The following CSMD3 variants were observed in gnomAD, a reference collection of about 807,000 sequenced individuals.
The protein encoded by CSMD3 is CUB and Sushi multiple domains 3.
In CSMD3, 177 loss-of-function variants were observed where a neutral mutation model predicts 435.2. That is an observed-to-expected ratio of 0.41 (90% CI 0.36 to 0.46). CSMD3 has a LOEUF of 0.46. Ranked by LOEUF, CSMD3 falls within the 20% of genes least tolerant of loss-of-function variation. The pLI, the probability that CSMD3 is intolerant of heterozygous loss-of-function variation, is 0.34. For synonymous variants in CSMD3, 1,656 were observed against 1,520.5 expected, an observed-to-expected ratio of 1.09 and a Z score of -2.07; for missense variants, 4,265 against 4,504.6, an observed-to-expected ratio of 0.95 and a Z score of 1.52.
At chr8:112,482,307 A>G (rs1334170004) in intron 31 of CSMD3, among the ~76,000 whole-genome samples, 2 of 152,206 alleles carry the variant, frequency 1.3e-5, no homozygotes, top group East Asian at 1.9e-4. Context: ...ACTACTAGTA[A>G]TAGTTTTGGA....
intron 5 of CSMD3, among the ~76,000 whole-genome samples, chr8:113,040,986 C>T (rs1234058206): frequency 6.6e-6 from 1 of 151,772 alleles, no homozygotes; most frequent in East Asian, 1.9e-4. Flanking sequence ...GGCAGCTTGC[C>T]TGAGGTCAGG....
intron 1 of CSMD3, among the ~76,000 whole-genome samples, chr8:113,416,680 GAAGT>G (rs1305835391): frequency 6.6e-6 from 1 of 152,036 alleles, no homozygotes; most frequent in Non-Finnish European, 1.5e-5. Context: ...ACTTAACCAA[GAAGT>G]AAGTCAAAGC....
At chr8:112,594,478 C>A (rs1461826530) in intron 22 of CSMD3, among the ~76,000 whole-genome samples, 2 of 152,220 alleles carry the variant, frequency 1.3e-5, no homozygotes, top group Non-Finnish European at 2.9e-5. Flanking sequence ...CTTAGGTAAA[C>A]AAAGCAGCCT....
At chr8:112,951,612 CA>C (rs2083814307) in intron 8 of CSMD3, among the ~76,000 whole-genome samples, 1 of 151,736 alleles carries the variant, frequency 6.6e-6, no homozygotes, top group South Asian at 2.1e-4. Context: ...TCACATTCTA[CA>C]AAGAGTTATC....
chr8:112,254,224 T>C (rs1175267173), intron 63 of CSMD3, 29 bp downstream of exon 63: 3 of 1,521,448 alleles, frequency 2.0e-6, no homozygotes, highest in East Asian at 2.3e-5. Context: ...CCTAGTATGA[T>C]GCTAAATGGA....
At position 112,224,598 on chromosome 8, in the gene CSMD3, A is replaced by G. The variant is rs1031475945; in HGVS notation, c.*173T>C. On this transcript the variant is annotated 3_prime_UTR_variant, in exon 71 of 71. Transcript: ENST00000297405. The stretch of plus-strand genomic sequence containing the variant: ...ATTTCTGTAAAACTCTCCATGGTAA[A>G]CATGAAGAATTATGGTCCAGTTTAT... 1.9e-5 allele frequency: 13 copies of G among 690,366 alleles called. No individual in the cohort carries two copies. The African/African-American group carries it at 2.3e-4, about 12-fold the overall frequency. 42.8% of individuals were successfully genotyped at this position (690,366 alleles called of 1,614,324 possible). A position where few individuals can be genotyped will look rare whatever the true frequency, so the allele number is the denominator to read the frequency against.
chr8:112,528,113 G>C (rs1287078492), intron 27 of CSMD3, among the ~76,000 whole-genome samples: 1 of 152,086 alleles, frequency 6.6e-6, no homozygotes, highest in Non-Finnish European at 1.5e-5. Flanking sequence ...CTGTATGCAA[G>C]TTGCAAGTTC....
intron 7 of CSMD3, among the ~76,000 whole-genome samples, chr8:112,974,036 T>C (rs2084756989): frequency 6.6e-6 from 1 of 151,778 alleles, no homozygotes; most frequent in Non-Finnish European, 1.5e-5. Flanking sequence ...TTGTAAAGAA[T>C]ATGGGGAAAG....
intron 6 of CSMD3, among the ~76,000 whole-genome samples, chr8:112,998,002 C>T (rs939776508): frequency 5.3e-5 from 8 of 151,236 alleles, no homozygotes; most frequent in African/African-American, 1.7e-4. Flanking sequence ...TCATCTACTG[C>T]CTTACTTTGA....
intron 1 of CSMD3, among the ~76,000 whole-genome samples, chr8:113,375,545 A>ACC (rs1394311173): frequency 6.6e-6 from 1 of 151,608 alleles, no homozygotes; most frequent in African/African-American, 2.4e-5. Context: ...ACACACACAC[A>ACC]CGTGTCATGC....
chr8:112,427,561 T>G (rs2130357387), intron 32 of CSMD3, among the ~76,000 whole-genome samples: 1 of 152,256 alleles, frequency 6.6e-6, no homozygotes, highest in Non-Finnish European at 1.5e-5. Context: ...ATTAAACCTC[T>G]TACATTTATA....
chr8:113,230,965 A>G (rs1199900175), intron 3 of CSMD3, among the ~76,000 whole-genome samples: 1 of 151,412 alleles, frequency 6.6e-6, no homozygotes, highest in Non-Finnish European at 1.5e-5. Context: ...GTCATTTAAA[A>G]ACTTGAAACT....
At chr8:113,026,651 A>G (rs2086886857) in intron 5 of CSMD3, among the ~76,000 whole-genome samples, 2 of 152,208 alleles carry the variant, frequency 1.3e-5, no homozygotes, top group African/African-American at 4.8e-5. Flanking sequence ...ATAAATGAAG[A>G]GAAGTTATTT....
intron 35 of CSMD3, among the ~76,000 whole-genome samples, chr8:112,401,213 A>G (rs2129922995): frequency 6.6e-6 from 1 of 152,290 alleles, no homozygotes; most frequent in South Asian, 2.1e-4. Flanking sequence ...AAAAAGAATA[A>G]AAATAAAAAC....
chr8:112,583,003 G>C (rs140132544), intron 23 of CSMD3, among the ~76,000 whole-genome samples: 114 of 152,094 alleles, frequency 7.5e-4, no homozygotes, highest in Non-Finnish European at 3.2e-4. Flanking sequence ...CCTGGTCTAT[G>C]TTATTCTGTT....
At chr8:112,664,288 G>T (rs942137176) in intron 17 of CSMD3, among the ~76,000 whole-genome samples, 35 of 151,974 alleles carry the variant, frequency 2.3e-4, no homozygotes, top group African/African-American at 8.5e-4. Context: ...TTGTCCTATT[G>T]TTCCAAATCA....
At chr8:113,284,696 A>G (rs2093633849) in intron 2 of CSMD3, among the ~76,000 whole-genome samples, 1 of 152,178 alleles carries the variant, frequency 6.6e-6, no homozygotes, top group Non-Finnish European at 1.5e-5. Context: ...AGGTAATTTA[A>G]AAGCATACTA....
chr8:113,412,434 C>T (rs2094563809), intron 1 of CSMD3, among the ~76,000 whole-genome samples: 1 of 152,048 alleles, frequency 6.6e-6, no homozygotes, highest in African/African-American at 2.4e-5. Flanking sequence ...AAAACAACAA[C>T]ACGTAGGCAA....
At chr8:112,905,998 T>C (rs937910894) in intron 10 of CSMD3, among the ~76,000 whole-genome samples, 2 of 151,474 alleles carry the variant, frequency 1.3e-5, no homozygotes, top group African/African-American at 4.8e-5. Context: ...GCCAGAGAGC[T>C]AGCTCTTCCT....
Sources: allele counts gnomAD v4.1 joint callset (sites outside exome capture counted in the v4.1 genomes callset), GRCh38; gene constraint gnomAD v4.1.1; transcripts MANE v1.5; gene names NCBI Gene and HGNC (gene_info 2026-07-23, HGNC 2026-07-21).